Variants in PLCB1 observed in about 807,000 individuals in gnomAD.
The protein encoded by PLCB1 is phospholipase C beta 1.
A neutral mutation model predicts 161.8 loss-of-function variants in PLCB1; 46 were observed. That is an observed-to-expected ratio of 0.28 (90% CI 0.22 to 0.36). The LOEUF is 0.36. Ranked by LOEUF, PLCB1 falls within the 10% of genes least tolerant of loss-of-function variation. PLCB1 has a pLI of 1.00. For missense variants in PLCB1, 1,016 were observed against 1,472.5 expected (o/e 0.69, Z 5.07); for synonymous variants, 517 against 503.7 (o/e 1.03, Z -0.35).
At chr20:8,746,456 AT>A in intron 23 of PLCB1, among the ~76,000 whole-genome samples, 1 of 152,354 alleles carries the variant, frequency 6.6e-6, no homozygotes, top group East Asian at 1.9e-4. Context: ...AAAGAAAAAA[AT>A]AATGAGCATT....
chr20:8,657,505 G>T (rs894824723), intron 8 of PLCB1, among the ~76,000 whole-genome samples: 7 of 152,054 alleles, frequency 4.6e-5, no homozygotes, highest in African/African-American at 1.7e-4. Flanking sequence ...ATTGCTGGAG[G>T]TAGTTGTTTT....
rs143366963 is a variant in PLCB1 at position 8,716,288 on chromosome 20, G to A, written c.1275G>A (p.Ala425=). Residue 425 remains alanine (A), a synonymous_variant, in exon 13 of 32, where the codon GCG becomes GCA. Coordinates refer to ENST00000338037, the MANE Select transcript of PLCB1 (RefSeq NM_015192.4). ...GCCCAAAGCAGCAAGCCAAGATGGC[G>A]GAGTACTGCCGACTGATCTTTGGGG... is the stretch of plus-strand genomic sequence containing the variant. ...VDSPKQQAKM[A]EYCRLIFGDA... is the part of the protein sequence containing the mutation. 1.2e-4 allele frequency: 193 copies of A among 1,613,926 alleles called. No individual in the cohort carries two copies. The highest frequency in any genetic ancestry group is 1.5e-4 in the Non-Finnish European group (175 of 1,179,944).
At chr20:8,172,766 G>C (rs1469538215) in intron 2 of PLCB1, among the ~76,000 whole-genome samples, 3 of 152,158 alleles carry the variant, frequency 2.0e-5, no homozygotes, top group African/African-American at 7.2e-5. Context: ...CATAATGTGA[G>C]AGGCAACCAG....
chr20:8,359,867 A>C (rs908634806), intron 2 of PLCB1, among the ~76,000 whole-genome samples: 6 of 152,368 alleles, frequency 3.9e-5, no homozygotes, highest in Non-Finnish European at 8.8e-5. Flanking sequence ...ATATGAGTTT[A>C]AAAATAGTAA....
intron 24 of PLCB1, among the ~76,000 whole-genome samples, chr20:8,759,689 G>A (rs1351303765): frequency 2.0e-5 from 3 of 151,962 alleles, no homozygotes; most frequent in South Asian, 2.1e-4. Flanking sequence ...TAGTAGAGAC[G>A]GGGTTTCGCC....
At chr20:8,863,726 T>C (rs1987331861) in intron 31 of PLCB1, among the ~76,000 whole-genome samples, 1 of 152,234 alleles carries the variant, frequency 6.6e-6, no homozygotes, top group Admixed American at 6.5e-5. Flanking sequence ...AAAGAAAATG[T>C]TAAGAGGCCT....
intron 31 of PLCB1, chr20:8,802,062 G>T (rs1467598585): frequency 1.3e-6 from 2 of 1,593,738 alleles, no homozygotes; most frequent in African/African-American, 1.3e-5. Flanking sequence ...ACAGGGGGAA[G>T]GTTCCTCCTC....
At chr20:8,708,445 T>G (rs867650378) in intron 11 of PLCB1, among the ~76,000 whole-genome samples, 1 of 152,270 alleles carries the variant, frequency 6.6e-6, no homozygotes, top group South Asian at 2.1e-4. Context: ...TCCTTTGCAT[T>G]TCTCTCTCCC....
intron 3 of PLCB1, among the ~76,000 whole-genome samples, chr20:8,405,467 C>G (rs1178558573): frequency 1.3e-5 from 2 of 152,158 alleles, no homozygotes; most frequent in Non-Finnish European, 2.9e-5. Context: ...CAAAGCAAGT[C>G]TCAAGGTCAA....
intron 3 of PLCB1, among the ~76,000 whole-genome samples, chr20:8,386,044 T>C (rs1052128675): frequency 5.9e-5 from 9 of 152,246 alleles, no homozygotes; most frequent in Non-Finnish European, 1.5e-5. Context: ...TATTGTCCTC[T>C]AGCAATTTCT....
At chr20:8,596,694 G>A (rs1472320061) in intron 3 of PLCB1, among the ~76,000 whole-genome samples, 1 of 117,128 alleles carries the variant, frequency 8.5e-6, no homozygotes, top group Non-Finnish European at 1.8e-5. Flanking sequence ...ACCTTGGGCA[G>A]TATGGCCATT....
intron 1 of PLCB1, among the ~76,000 whole-genome samples, chr20:8,142,600 T>C (rs2051415532): frequency 6.6e-6 from 1 of 152,196 alleles, no homozygotes; most frequent in African/African-American, 2.4e-5. Context: ...CTGAAAAATA[T>C]GCTCACCCAT....
intron 2 of PLCB1, among the ~76,000 whole-genome samples, chr20:8,155,775 G>C (rs769341348): frequency 6.6e-6 from 1 of 152,138 alleles, no homozygotes; most frequent in Non-Finnish European, 1.5e-5. Context: ...GTGATTAAAT[G>C]CAATGATGTA....
intron 2 of PLCB1, among the ~76,000 whole-genome samples, chr20:8,260,802 C>CTGA (rs1340817547): frequency 6.6e-6 from 1 of 152,090 alleles, no homozygotes; most frequent in Non-Finnish European, 1.5e-5. Context: ...AAGGCATGTG[C>CTGA]ATTCATTCTC....
At chr20:8,143,783 G>C (rs1424771768) in intron 1 of PLCB1, among the ~76,000 whole-genome samples, 2 of 152,216 alleles carry the variant, frequency 1.3e-5, no homozygotes, top group Non-Finnish European at 2.9e-5. Context: ...TGGATGGCAA[G>C]GGCCTGCATA....
At chr20:8,285,664 C>A (rs1259493713) in intron 2 of PLCB1, among the ~76,000 whole-genome samples, 2 of 152,056 alleles carry the variant, frequency 1.3e-5, no homozygotes, top group Non-Finnish European at 2.9e-5. Context: ...TGAGCAGCTA[C>A]CCACGGCATT....
At chr20:8,719,457 A>T (rs1392634877) in intron 14 of PLCB1, among the ~76,000 whole-genome samples, 1 of 152,222 alleles carries the variant, frequency 6.6e-6, no homozygotes, top group African/African-American at 2.4e-5. Flanking sequence ...CAAAGAAAGA[A>T]TATGCAGCCA....
rs192514988 is a variant in PLCB1, at chr20:8,717,543, T to A, written c.1336-128T>A. The A allele has an allele frequency of 1.9e-4, 122 of 641,732 alleles. No individual in the cohort carries two copies. In the African/African-American group the frequency reaches 2.0e-3, roughly 10 times the overall value. 39.8% of individuals were successfully genotyped at this position (641,732 alleles called of 1,614,324 possible). The stretch of plus-strand genomic sequence containing the variant: ...TCCCATGTAAGATACACTAAGAGTT[T>A]AATGAGCAGTGTTGAAGGTAGGGAA... On this transcript the variant is annotated intron_variant, in intron 13 of 31. Transcript: ENST00000338037.
rs1467802767 is a variant in PLCB1 at position 8,737,162 on chromosome 20, C to T, written c.2178C>T (p.Val726=). The change falls in exon 20 of 32, where the codon GTC becomes GTT. Residue 726 remains valine (V), a synonymous_variant. Coordinates refer to ENST00000338037, the MANE Select transcript of PLCB1 (RefSeq NM_015192.4). The part of the protein sequence containing the change: ...KTSQGNAVNP[V]WEEEPIVFKK... ...CCCAAGGAAATGCTGTGAATCCTGT[C>T]TGGGAAGAAGAACCTATTGTGTTCA... 1 of 1,613,736 alleles carries T rather than the reference C, an allele frequency of 6.2e-7. No homozygotes were observed. The highest frequency in any genetic ancestry group is 8.5e-7 in the Non-Finnish European group (1 of 1,179,790).
Sources: allele counts gnomAD v4.1 joint callset (sites outside exome capture counted in the v4.1 genomes callset), GRCh38; gene constraint gnomAD v4.1.1; transcripts MANE v1.5; gene names NCBI Gene and HGNC (gene_info 2026-07-23, HGNC 2026-07-21).